Variants in ITGA11 observed in about 807,000 individuals in gnomAD.
ITGA11 encodes the protein integrin subunit alpha 11.
A neutral mutation model predicts 141.9 loss-of-function variants in ITGA11; 97 were observed. That is an observed-to-expected ratio of 0.68 (90% confidence interval 0.58 to 0.81). The LOEUF (loss-of-function observed/expected upper bound fraction) is 0.81, where lower values mean the gene tolerates loss of function less well. Among genes scored for constraint, ITGA11 ranks in the 30% least tolerant of loss-of-function variants. The pLI is 0.00. For synonymous variants in ITGA11, 658 were observed against 624.6 expected (o/e 1.05, Z -0.80); for missense variants, 1,387 against 1,559.2 (o/e 0.89, Z 1.86).
intron 2 of ITGA11, among the ~76,000 whole-genome samples, chr15:68,395,562 G>C (rs1410701554): frequency 6.7e-6 from 1 of 149,084 alleles, no homozygotes; most frequent in Non-Finnish European, 1.5e-5. Flanking sequence ...TCGATCAAGT[G>C]TATCAGTGAT....
chr15:68,431,418 T>C (rs1897268518), intron 1 of ITGA11, among the ~76,000 whole-genome samples: 1 of 152,222 alleles, frequency 6.6e-6, no homozygotes, highest in Non-Finnish European at 1.5e-5. Flanking sequence ...GTCCCGCCGC[T>C]GCTGGCCGGG....
chr15:68,309,639 G>T (rs978250434), intron 26 of ITGA11, among the ~76,000 whole-genome samples: 44 of 135,800 alleles, frequency 3.2e-4, no homozygotes, highest in African/African-American at 1.1e-3. Flanking sequence ...CTGTTGCCCA[G>T]GCTGGAGTAC....
Position 68,308,761 on chromosome 15 carries a change from G to GAAAAGA in ITGA11, c.3175-1066_3175-1065insTCTTTT, listed in dbSNP as rs111776164. Among the ~76,000 whole-genome samples the GAAAAGA allele has an allele frequency of 0.38, 51,844 of 137,312 alleles. 10,621 individuals carry two copies. The highest frequency in any genetic ancestry group is 0.68 in the East Asian group (3,313 of 4,846). 90.1% of individuals were successfully genotyped at this position (137,312 alleles called of 152,430 possible). The stretch of plus-strand genomic sequence containing the variant: ...TGTCTCAAAAGAAAAGAAAAGAAAA[G>GAAAAGA]AAAGAAAAGAAAAGAAAAGAAAAGG... On this transcript the variant is annotated intron_variant, in intron 26 of 29. Transcript: ENST00000315757. The surrounding 1 kb of genome is among the most constrained non-coding windows in gnomAD (Gnocchi z 5.2).
intron 2 of ITGA11, among the ~76,000 whole-genome samples, chr15:68,393,783 C>T (rs998510232): frequency 3.9e-5 from 6 of 151,916 alleles, no homozygotes; most frequent in Non-Finnish European, 5.9e-5. Context: ...ATAAAAGAGA[C>T]GAAGAACACC....
At chr15:68,409,312 A>G (rs17320635) in intron 1 of ITGA11, among the ~76,000 whole-genome samples, 20,963 of 152,088 alleles carry the variant, frequency 0.14, 1,855 homozygotes, top group Middle Eastern at 0.23. Context: ...TATGCTATTC[A>G]AGGCCACATC....
At chr15:68,361,111 T>G (rs1048658619) in intron 5 of ITGA11, among the ~76,000 whole-genome samples, 2 of 152,146 alleles carry the variant, frequency 1.3e-5, no homozygotes, top group Admixed American at 6.5e-5. Flanking sequence ...TGGACAGAAC[T>G]CCCTGCTGTC....
At chr15:68,402,813 C>G in intron 2 of ITGA11, 105 bp downstream of exon 2, 7 of 717,022 alleles carry the variant, frequency 9.8e-6, no homozygotes, top group Non-Finnish European at 1.5e-5. Flanking sequence ...AAACGTCAGT[C>G]TCCATGTGAG....
rs948588532 is a variant in ITGA11, at chr15:68,331,005, G to A, written c.1877C>T (p.Ala626Val). ...EDGLIDLAVG[A>V]LGNAVILWSR... ...CCACAGAATCACAGCGTTGCCAAGG[G>A]CTCCCACTGCCAGGTCGATGAGCCC... Residue 626 changes from alanine to valine, a missense_variant, in exon 15 of 30, where the codon GCC (alanine) becomes GTC (valine). Transcript: ENST00000315757. 5 of 1,613,862 alleles carry A rather than the reference G, an allele frequency of 3.1e-6. No homozygotes were observed. Among genetic ancestry groups the A allele is most frequent in the South Asian group, 1.1e-5 (1 of 91,038 alleles).
chr15:68,344,893 A>C (rs572754098), intron 10 of ITGA11, among the ~76,000 whole-genome samples: 1 of 152,316 alleles, frequency 6.6e-6, no homozygotes, highest in Non-Finnish European at 1.5e-5. Flanking sequence ...TTTTGGAGTT[A>C]GGGCAGATTT....
chr15:68,338,919 G>A (rs1389580659), intron 11 of ITGA11, among the ~76,000 whole-genome samples: 1 of 152,202 alleles, frequency 6.6e-6, no homozygotes, highest in East Asian at 1.9e-4. Flanking sequence ...CATGGCGAAT[G>A]GGACATGCCT....
In ITGA11 at chr15:68,342,293, C is replaced by A. The variant is rs62001373; in HGVS notation, c.1132-2649G>T. Among the ~76,000 whole-genome samples the A allele has an allele frequency of 3.8e-3, 584 of 152,352 alleles. 10 individuals are homozygous for A. The highest frequency in any genetic ancestry group is 0.018 in the Admixed American group (275 of 15,306). On this transcript the variant is annotated intron_variant, in intron 10 of 29. Transcript: ENST00000315757. Reference sequence around the variant, plus strand: ...CTCGCACTGGCTTCCTGTTTTATAGCCTCCTTTCCTATGTGGGGCCACCTG... The same window carrying A: ...CTCGCACTGGCTTCCTGTTTTATAGACTCCTTTCCTATGTGGGGCCACCTG...
Position 68,335,900 on chromosome 15 carries a change from C to G in ITGA11, c.1277-55G>C. 1.3e-6 allele frequency: 2 copies of G among 1,575,068 alleles called. No individual in the cohort carries two copies. Among genetic ancestry groups the G allele is most frequent in the South Asian group, 2.3e-5 (2 of 86,000 alleles). Reference sequence around the variant, plus strand: ...GGCACCGTGTCCTCAGCAGGCGTTGCTTGGCCCGGTGCATGGCTTGGCAGT... The same window carrying G: ...GGCACCGTGTCCTCAGCAGGCGTTGGTTGGCCCGGTGCATGGCTTGGCAGT... On this transcript the variant is annotated intron_variant, in intron 11 of 29. Coordinates refer to ENST00000315757, the MANE Select transcript of ITGA11 (RefSeq NM_001004439.2). The surrounding 1 kb of genome is among the most constrained non-coding windows in gnomAD (Gnocchi z 4.9).
intron 18 of ITGA11, among the ~76,000 whole-genome samples, chr15:68,323,976 A>G (rs1893889697): frequency 6.6e-6 from 1 of 152,202 alleles, no homozygotes; most frequent in African/African-American, 2.4e-5. Context: ...GGGCTTCAGC[A>G]TGCTTGTGGG....
chr15:68,396,563 A>C (rs1210944465), intron 2 of ITGA11, among the ~76,000 whole-genome samples: 2 of 151,872 alleles, frequency 1.3e-5, no homozygotes, highest in African/African-American at 4.8e-5. Flanking sequence ...CCTTGCACTG[A>C]AGATCTTAGC....
intron 21 of ITGA11, 84 bp downstream of exon 21, chr15:68,317,181 T>C (rs1893608780): frequency 1.1e-6 from 1 of 928,550 alleles, no homozygotes; most frequent in African/African-American, 1.6e-5. Context: ...GTGTTCACTC[T>C]TGTTGCTCTT....
intron 2 of ITGA11, among the ~76,000 whole-genome samples, chr15:68,396,598 A>G (rs1047884518): frequency 6.6e-6 from 1 of 151,686 alleles, no homozygotes; most frequent in Non-Finnish European, 1.5e-5. Context: ...AAATAAATAA[A>G]GGTAGGAAAA....
Position 68,305,802 on chromosome 15 carries a change from G to T in ITGA11, c.3381+1546C>A, listed in dbSNP as rs1177635868. ...GTGTGCTCTTTCTGTCCCTCAAGGC[G>T]GGCACCTGGCTCTGCCTCCCCAGCG... On this transcript the variant is annotated intron_variant, in intron 28 of 29. Coordinates refer to ENST00000315757, the MANE Select transcript of ITGA11 (RefSeq NM_001004439.2). The surrounding 1 kb of genome is among the most constrained non-coding windows in gnomAD (Gnocchi z 4.6). Among the ~76,000 whole-genome samples, 1 of 152,120 alleles carries T rather than the reference G, an allele frequency of 6.6e-6. No homozygotes were observed. Among genetic ancestry groups the T allele is most frequent in the Non-Finnish European group, 1.5e-5 (1 of 68,024 alleles).
intron 5 of ITGA11, among the ~76,000 whole-genome samples, chr15:68,359,373 T>A (rs116517159): frequency 0.019 from 2,925 of 152,144 alleles, 107 homozygotes; most frequent in African/African-American, 0.066. Flanking sequence ...AGGCTGGGAG[T>A]CATGGCTCAC....
At chr15:68,310,811 C>T (rs1469297106) in intron 26 of ITGA11, among the ~76,000 whole-genome samples, 183 bp downstream of exon 26, 13 of 152,222 alleles carry the variant, frequency 8.5e-5, no homozygotes, top group Non-Finnish European at 1.8e-4. Flanking sequence ...AGACGGGGGA[C>T]TCACACAGGC....
Sources: allele counts gnomAD v4.1 joint callset (sites outside exome capture counted in the v4.1 genomes callset), GRCh38; gene constraint gnomAD v4.1.1; non-coding constraint Gnocchi (gnomAD v3.1); transcripts MANE v1.5; gene names NCBI Gene and HGNC (gene_info 2026-07-23, HGNC 2026-07-21).